EXT1: variants seen among roughly 807,000 people sequenced by gnomAD.
EXT1 encodes exostosin glycosyltransferase 1, also known as exostosin-1.
Under a neutral mutation model 82.5 loss-of-function variants are expected in EXT1, and 20 were observed. That is an observed-to-expected ratio of 0.24 (90% CI 0.17 to 0.35). EXT1 has a LOEUF of 0.35. Ranked by LOEUF, EXT1 falls within the 10% of genes least tolerant of loss-of-function variation. The probability of loss-of-function intolerance (pLI) is 1.00; values close to 1 mark genes in which losing one functional copy is unlikely to be tolerated. For missense variants in EXT1, 757 were observed against 936.5 expected (o/e 0.81, Z 2.50); for synonymous variants, 348 against 350.8 (o/e 0.99, Z 0.09).
chr8:117,973,788 A>T (rs954213550), intron 1 of EXT1, among the ~76,000 whole-genome samples: 2 of 149,518 alleles, frequency 1.3e-5, no homozygotes, highest in African/African-American at 5.0e-5. Flanking sequence ...AAGAGATGAA[A>T]GAAAAGAAAA....
intron 1 of EXT1, among the ~76,000 whole-genome samples, chr8:117,856,266 T>TG (rs1563581155): frequency 2.7e-5 from 4 of 145,986 alleles, no homozygotes; most frequent in African/African-American, 1.1e-4. Context: ...TTTTTTTTTT[T>TG]TGTGGGGGGA....
chr8:118,096,616 GAAGGAGGAAGGAAGGAAGGA>G (rs1470793428), intron 1 of EXT1, among the ~76,000 whole-genome samples: 2 of 49,014 alleles, frequency 4.1e-5, no homozygotes, highest in African/African-American at 1.0e-4. Context: ...AGGAAGGAAG[GAAGGAGGAAGGAAGGAAGGA>G]AGGAAGGAAG....
At chr8:118,080,512 A>C (rs1817296743) in intron 1 of EXT1, among the ~76,000 whole-genome samples, 1 of 152,164 alleles carries the variant, frequency 6.6e-6, no homozygotes, top group Admixed American at 6.5e-5. Flanking sequence ...CTGAAACATT[A>C]GTTTTTAAAG....
At position 117,903,497 on chromosome 8, in the gene EXT1, CCT is replaced by C. The variant is rs559615371; in HGVS notation, c.963-66298_963-66297del. 6.8e-4 allele frequency among the ~76,000 whole-genome samples: 103 copies of C among 152,238 alleles called. 1 individual carries two copies. Among genetic ancestry groups the C allele is most frequent in the African/African-American group, 2.3e-3 (97 of 41,532 alleles). ...AAGTTTCCCAAAGTGGCAGATCACC[CCT>C]GAGTTAGAATCAACTCTTAAAATAA... On this transcript the variant is annotated intron_variant, in intron 1 of 10. Coordinates refer to ENST00000378204, the MANE Select transcript of EXT1 (RefSeq NM_000127.3).
intron 1 of EXT1, among the ~76,000 whole-genome samples, chr8:117,923,553 T>TAA (rs35980846): frequency 2.2e-5 from 3 of 137,208 alleles, no homozygotes; most frequent in South Asian, 4.7e-4. Flanking sequence ...CCATCTCTAC[T>TAA]AAAAAAAAAA....
intron 1 of EXT1, among the ~76,000 whole-genome samples, chr8:118,074,616 A>G (rs1817171992): frequency 6.6e-6 from 1 of 151,104 alleles, no homozygotes; most frequent in African/African-American, 2.4e-5. Context: ...AGAACATTGA[A>G]TTGAGCGAGC....
intron 1 of EXT1, among the ~76,000 whole-genome samples, chr8:118,070,677 G>T (rs1320804307): frequency 6.6e-6 from 1 of 152,132 alleles, no homozygotes; most frequent in Non-Finnish European, 1.5e-5. Context: ...GAATTAATGG[G>T]AATTGTATTT....
At chr8:117,881,132 A>G (rs945743980) in intron 1 of EXT1, among the ~76,000 whole-genome samples, 1 of 152,172 alleles carries the variant, frequency 6.6e-6, no homozygotes, top group South Asian at 2.1e-4. Context: ...GTGGTAAACT[A>G]TGGTTCATGC....
intron 1 of EXT1, among the ~76,000 whole-genome samples, chr8:118,109,811 C>G (rs1435185953): frequency 6.6e-6 from 1 of 152,136 alleles, no homozygotes; most frequent in Non-Finnish European, 1.5e-5. Context: ...ACAGGAGACA[C>G]GCCGCCCTGC....
chr8:117,985,437 T>G (rs1173815859), intron 1 of EXT1, among the ~76,000 whole-genome samples: 6 of 152,188 alleles, frequency 3.9e-5, no homozygotes, highest in African/African-American at 1.4e-4. Context: ...GCATAGACAG[T>G]AGAATATCTG....
chr8:117,939,111 C>CTATT (rs1353926605), intron 1 of EXT1, among the ~76,000 whole-genome samples: 2 of 152,110 alleles, frequency 1.3e-5, no homozygotes, highest in Non-Finnish European at 2.9e-5. Context: ...CAAATGCCAC[C>CTATT]TATTCCATGG....
chr8:118,032,568 T>C (rs1816344991), intron 1 of EXT1, among the ~76,000 whole-genome samples: 1 of 150,114 alleles, frequency 6.7e-6, no homozygotes. Context: ...TGGAGTGCAA[T>C]GGCAGGATCT....
intron 1 of EXT1, among the ~76,000 whole-genome samples, chr8:117,906,503 A>G (rs1813546957): frequency 6.6e-6 from 1 of 152,218 alleles, no homozygotes; most frequent in East Asian, 1.9e-4. Context: ...GTTGAAATCT[A>G]TTAGTCATTC....
intron 1 of EXT1, among the ~76,000 whole-genome samples, chr8:118,107,023 T>C (rs17454315): frequency 0.14 from 21,964 of 152,234 alleles, 1,721 homozygotes; most frequent in African/African-American, 0.2. Flanking sequence ...TATACCTTTG[T>C]AATCAACGTC....
chr8:118,057,171 G>A (rs1816806817), intron 1 of EXT1, among the ~76,000 whole-genome samples: 1 of 152,166 alleles, frequency 6.6e-6, no homozygotes, highest in Non-Finnish European at 1.5e-5. Flanking sequence ...AATTGTGATT[G>A]GTTAATTCGT....
intron 4 of EXT1, among the ~76,000 whole-genome samples, chr8:117,822,904 C>G (rs926386749): frequency 2.0e-5 from 3 of 152,080 alleles, no homozygotes; most frequent in African/African-American, 7.2e-5. Flanking sequence ...CTGTGTGGAG[C>G]AGTTAGTCTT....
At chr8:117,873,080 T>C (rs961753050) in intron 1 of EXT1, among the ~76,000 whole-genome samples, 1 of 152,126 alleles carries the variant, frequency 6.6e-6, no homozygotes, top group Non-Finnish European at 1.5e-5. Context: ...GTGGAAATCT[T>C]TTTTATAAAA....
chr8:117,891,419 A>G (rs898452857), intron 1 of EXT1, among the ~76,000 whole-genome samples: 2 of 152,228 alleles, frequency 1.3e-5, no homozygotes, highest in Admixed American at 1.3e-4. Context: ...GTAATCTGCC[A>G]TACTGTCACT....
At chr8:117,812,750 G>A (rs1823347839) in intron 8 of EXT1, 122 bp downstream of exon 8, 1 of 901,224 alleles carries the variant, frequency 1.1e-6, no homozygotes, top group Non-Finnish European at 1.8e-6. Flanking sequence ...CAGCGCTGTA[G>A]GAAGTTTTGA....
Sources: allele counts gnomAD v4.1 joint callset (sites outside exome capture counted in the v4.1 genomes callset), GRCh38; gene constraint gnomAD v4.1.1; transcripts MANE v1.5; gene names NCBI Gene and HGNC (gene_info 2026-07-23, HGNC 2026-07-21).